The following CCDC171 variants were observed in gnomAD, a reference collection of about 807,000 sequenced individuals.
CCDC171 encodes the protein coiled-coil domain-containing protein 171.
CCDC171 carries 177 observed loss-of-function variants against 168.2 expected under a neutral mutation model. The ratio of observed to expected loss-of-function variants is 1.05; its 90% confidence interval spans 0.93 to 1.19. The LOEUF (loss-of-function observed/expected upper bound fraction) is 1.19, where lower values mean the gene tolerates loss of function less well. Among genes scored for constraint, CCDC171 ranks in the 50% most tolerant of loss-of-function variants. CCDC171 has a pLI of 0.00. For missense variants in CCDC171, 1,991 were observed against 1,539.0 expected, an observed-to-expected ratio of 1.29 and a Z score of -4.91; for synonymous variants, 687 against 540.8, an observed-to-expected ratio of 1.27 and a Z score of -3.75.
At chr9:15,621,753 T>C (rs896040839) in intron 6 of CCDC171, among the ~76,000 whole-genome samples, 2 of 152,160 alleles carry the variant, frequency 1.3e-5, no homozygotes, top group African/African-American at 4.8e-5. Context: ...CAGAACTACC[T>C]TTTGATCCAG....
chr9:15,745,505 A>G lies in CCDC171; in HGVS notation c.2555-10A>G. 1 of 1,509,634 alleles carries G rather than the reference A, an allele frequency of 6.6e-7. No homozygotes were observed. Among genetic ancestry groups the G allele is most frequent in the Non-Finnish European group, 8.9e-7 (1 of 1,124,986 alleles). 93.5% of individuals were successfully genotyped at this position (1,509,634 alleles called of 1,614,324 possible). ...GTAGAATTTTACAATGGATTTTTTC[A>G]ATTTTATAGAACATCAAAAGGAGCA... On this transcript the variant is annotated splice_polypyrimidine_tract_variant and intron_variant, in intron 17 of 25. Transcript: ENST00000380701.
chr9:15,886,371 A>G (rs1187505635), intron 24 of CCDC171: 1 of 152,302 alleles, frequency 6.6e-6, no homozygotes, highest in Admixed American at 6.5e-5. Flanking sequence ...AAGGTGTTCA[A>G]CACCGCTAAC....
chr9:15,764,015 T>C (rs947621903), intron 18 of CCDC171, among the ~76,000 whole-genome samples: 7 of 152,014 alleles, frequency 4.6e-5, no homozygotes, highest in African/African-American at 1.2e-4. Context: ...GCGGTGGTAG[T>C]TGGGGAAAGG....
intron 22 of CCDC171, among the ~76,000 whole-genome samples, 176 bp downstream of exon 22, chr9:15,847,023 T>C (rs915237072): frequency 1.3e-5 from 2 of 152,266 alleles, no homozygotes; most frequent in Middle Eastern, 3.4e-3. Context: ...ATACTAAATG[T>C]ATATTTTATT....
Position 15,609,802 on chromosome 9 carries a change from G to A in CCDC171, c.676-13465G>A, listed in dbSNP as rs188178374. ...ATTCTTAATATTTTTTAGGGGTGAG[G>A]GAGGGGTTATTCTTGGCTTTTTACT... On this transcript the variant is annotated intron_variant, in intron 6 of 25. Transcript: ENST00000380701. Among the ~76,000 whole-genome samples, 111 of 152,192 alleles carry A rather than the reference G, an allele frequency of 7.3e-4. 1 individual carries two copies. The highest frequency in any genetic ancestry group is 3.5e-3 in the South Asian group (17 of 4,810).
chr9:15,906,186 A>C lies in CCDC171; in HGVS notation c.3601-14084A>C, dbSNP rs1822572533. 2.0e-5 allele frequency among the ~76,000 whole-genome samples: 3 copies of C among 152,208 alleles called. No individual in the cohort carries two copies. The South Asian group carries it at 6.2e-4, about 32-fold the overall frequency. On this transcript the variant is annotated intron_variant, in intron 24 of 25. Coordinates refer to ENST00000380701, the MANE Select transcript of CCDC171 (RefSeq NM_173550.4). ...TAACTCATTTTATGAGGCCAGCATC[A>C]TCCTGATACCAAAGCCTGGCAGAGA...
intron 25 of CCDC171, among the ~76,000 whole-genome samples, chr9:15,947,553 G>T (rs1469217477): frequency 1.3e-5 from 2 of 151,928 alleles, no homozygotes; most frequent in Admixed American, 1.3e-4. Flanking sequence ...TTCTTTTGTA[G>T]GGCTGAATAA....
the CCDC171 span, among the ~76,000 whole-genome samples, chr9:16,087,227 C>T: frequency 7.2e-5 from 11 of 152,220 alleles, no homozygotes; most frequent in Admixed American, 6.5e-4. Context: ...GTGGAGAGTT[C>T]TGTAGATGTC....
In CCDC171 at chr9:15,959,811, A is replaced by T. The variant is rs189347349; in HGVS notation, c.3754-11798A>T. On this transcript the variant is annotated intron_variant, in intron 25 of 25. Transcript: ENST00000380701. ...TGCAGACCTATGGACTGGCATTTGG[A>T]CTCTTAGAAAAAGGGCCTACAGGTA... Among the ~76,000 whole-genome samples, 21 of 152,132 alleles carry T rather than the reference A, an allele frequency of 1.4e-4. No homozygotes were observed. The East Asian group carries it at 2.9e-3, about 21-fold the overall frequency.
intron 6 of CCDC171, among the ~76,000 whole-genome samples, chr9:15,597,585 G>A (rs1007315776): frequency 1.3e-5 from 2 of 152,112 alleles, no homozygotes; most frequent in Non-Finnish European, 2.9e-5. Context: ...ATGTTCATCA[G>A]GGATATTGGT....
At chr9:15,783,271 G>A (rs1443712038) in intron 20 of CCDC171, among the ~76,000 whole-genome samples, 3 of 152,040 alleles carry the variant, frequency 2.0e-5, no homozygotes, top group African/African-American at 7.2e-5. Flanking sequence ...TGGCCCACGA[G>A]GAAACTGTGA....
chr9:15,606,005 A>G (rs1183600102), intron 6 of CCDC171, among the ~76,000 whole-genome samples: 2 of 152,264 alleles, frequency 1.3e-5, no homozygotes, highest in Middle Eastern at 3.4e-3. Context: ...GTTTTTTTCT[A>G]TACACACACA....
At chr9:15,562,459 A>C (rs576314747) in intron 1 of CCDC171, among the ~76,000 whole-genome samples, 15 of 152,298 alleles carry the variant, frequency 9.8e-5, no homozygotes, top group African/African-American at 3.6e-4. Context: ...TGAGCTATGG[A>C]AGATGCTATC....
At chr9:15,731,065 G>A (rs1480505628) in intron 16 of CCDC171, among the ~76,000 whole-genome samples, 3 of 151,998 alleles carry the variant, frequency 2.0e-5, no homozygotes, top group Non-Finnish European at 4.4e-5. Context: ...ATTTCTTTGT[G>A]TTGGGAACAT....
rs150091016 is a variant in CCDC171 at position 15,663,251 on chromosome 9, A to G, written c.916-2912A>G. ...TTGCACAGCGTCAAACCCAAGTTTTATGGTTCTAAAGCCCATTTTCTGTCT... is the reference window on the plus strand; with the variant it reads ...TTGCACAGCGTCAAACCCAAGTTTTGTGGTTCTAAAGCCCATTTTCTGTCT... On this transcript the variant is annotated intron_variant, in intron 8 of 25. Coordinates refer to ENST00000380701, the MANE Select transcript of CCDC171 (RefSeq NM_173550.4). Among the ~76,000 whole-genome samples the G allele has an allele frequency of 4.9e-3, 746 of 152,252 alleles. 8 individuals carry two copies. The highest frequency in any genetic ancestry group is 0.017 in the African/African-American group (724 of 41,556).
intron 7 of CCDC171, among the ~76,000 whole-genome samples, chr9:15,639,603 C>A (rs967103642): frequency 6.6e-6 from 1 of 151,980 alleles, no homozygotes; most frequent in Admixed American, 6.6e-5. Context: ...ACAGTGTTCT[C>A]CAGTTTATTT....
At chr9:15,697,081 C>T (rs79697282) in intron 11 of CCDC171, among the ~76,000 whole-genome samples, 2,331 of 152,208 alleles carry the variant, frequency 0.015, 77 homozygotes, top group African/African-American at 0.053. Flanking sequence ...GCTCCTTTAC[C>T]TTCTGGCTTC....
intron 1 of CCDC171, among the ~76,000 whole-genome samples, chr9:16,055,564 A>G (rs1833826563): frequency 6.6e-6 from 1 of 152,180 alleles, no homozygotes; most frequent in Non-Finnish European, 1.5e-5. Context: ...GGGCCCTGTG[A>G]GGCTCATAGT....
Position 15,836,315 on chromosome 9 carries a change from G to A in CCDC171, c.3268-10387G>A, listed in dbSNP as rs187094106. ...CCATACCCCATGATTGAGGCTGATA[G>A]AGTGTTCTTTATCTGGAACGCTGTT... On this transcript the variant is annotated intron_variant, in intron 21 of 25. Coordinates refer to ENST00000380701, the MANE Select transcript of CCDC171 (RefSeq NM_173550.4). 5.0e-3 allele frequency among the ~76,000 whole-genome samples: 755 copies of A among 152,250 alleles called. 3 individuals are homozygous for A. Among genetic ancestry groups the A allele is most frequent in the Middle Eastern group, 0.01 (3 of 292 alleles).
Sources: allele counts gnomAD v4.1 joint callset (sites outside exome capture counted in the v4.1 genomes callset), GRCh38; gene constraint gnomAD v4.1.1; transcripts MANE v1.5; gene names NCBI Gene and HGNC (gene_info 2026-07-23, HGNC 2026-07-21).